ANXA8: variants seen among roughly 807,000 people sequenced by gnomAD.
ANXA8 encodes annexin A8.
A neutral mutation model predicts 26.8 loss-of-function variants in ANXA8; 9 were observed. The ratio of observed to expected loss-of-function variants is 0.34; its 90% CI spans 0.20 to 0.59. The LOEUF (loss-of-function observed/expected upper bound fraction) is 0.59, where lower values mean the gene tolerates loss of function less well. Ranked by LOEUF, ANXA8 falls within the 20% of genes least tolerant of loss-of-function variation. The pLI, the probability that ANXA8 is intolerant of heterozygous loss-of-function variation, is 0.84. For missense variants in ANXA8, 83 were observed against 238.5 expected, an observed-to-expected ratio of 0.35 and a Z score of 4.29; for synonymous variants, 39 against 94.8, an observed-to-expected ratio of 0.41 and a Z score of 3.42.
chr10:47,664,517 G>A, the ANXA8 span, among the ~76,000 whole-genome samples: 20 of 151,508 alleles, frequency 1.3e-4, no homozygotes, highest in Non-Finnish European at 2.8e-4. Flanking sequence ...GCAATGAGCC[G>A]AGATCACGCC....
At chr10:47,743,405 TGAGA>T in the ANXA8 span, among the ~76,000 whole-genome samples, 6 of 83,532 alleles carry the variant, frequency 7.2e-5, no homozygotes, top group South Asian at 3.5e-4. Context: ...TGTGTGTGTG[TGAGA>T]GAGAGAGAGA....
the ANXA8 span, among the ~76,000 whole-genome samples, chr10:47,614,008 T>C: frequency 1.3e-5 from 1 of 74,436 alleles, no homozygotes; most frequent in African/African-American, 3.9e-5. Context: ...ACTTCTCTCA[T>C]GGCCTTTCAG....
the ANXA8 span, chr10:47,565,918 C>G: frequency 1.8e-5 from 26 of 1,461,640 alleles, no homozygotes; most frequent in Non-Finnish European, 2.1e-5. Context: ...AGATGGAGTT[C>G]GAGGAGGGCA....
chr10:47,732,573 T>C, the ANXA8 span, among the ~76,000 whole-genome samples: 2 of 61,566 alleles, frequency 3.2e-5, no homozygotes, highest in African/African-American at 1.6e-4. Context: ...CATCTTCTGT[T>C]AGTTCAGCTT....
the ANXA8 span, among the ~76,000 whole-genome samples, chr10:47,636,532 T>C: frequency 6.9e-6 from 1 of 145,120 alleles, no homozygotes; most frequent in Admixed American, 6.9e-5. Flanking sequence ...TATTGAGGTA[T>C]AAAAAAATTG....
chr10:47,489,260 C>T, the ANXA8 span, among the ~76,000 whole-genome samples: 695 of 142,694 alleles, frequency 4.9e-3, 37 homozygotes, highest in African/African-American at 0.017. Context: ...CCTCATGATC[C>T]GCCCTCCTCA....
chr10:47,650,802 G>A, the ANXA8 span, among the ~76,000 whole-genome samples: 1,500 of 142,980 alleles, frequency 0.01, 2 homozygotes, highest in Middle Eastern at 0.03. Flanking sequence ...GCGAGACTCC[G>A]TCTCAAAAAA....
the ANXA8 span, among the ~76,000 whole-genome samples, chr10:47,621,743 G>A: frequency 5.6e-5 from 6 of 108,016 alleles, no homozygotes; most frequent in East Asian, 1.1e-3. Context: ...CATAATTTCT[G>A]TAACAGAGCT....
the ANXA8 span, among the ~76,000 whole-genome samples, chr10:47,645,428 C>T: frequency 6.8e-6 from 1 of 147,990 alleles, no homozygotes; most frequent in Non-Finnish European, 1.5e-5. Flanking sequence ...TCCTTTTTCT[C>T]ACCTCATAGT....
the ANXA8 span, chr10:47,564,752 C>A: frequency 1.4e-6 from 1 of 735,746 alleles, no homozygotes; most frequent in Non-Finnish European, 2.3e-6. Flanking sequence ...GACCCTCATC[C>A]TGCCTCACCT....
chr10:47,991,599 A>T, the ANXA8 span: 3 of 1,610,008 alleles, frequency 1.9e-6, no homozygotes, highest in Non-Finnish European at 2.5e-6. Flanking sequence ...GCCAAGGGCG[A>T]CTTTACATTT....
At chr10:47,694,531 C>T in the ANXA8 span, among the ~76,000 whole-genome samples, 1 of 150,320 alleles carries the variant, frequency 6.7e-6, no homozygotes, top group Admixed American at 6.7e-5. Flanking sequence ...AGTGATTCTC[C>T]TGCCTCGGCC....
chr10:47,497,319 CAAA>C, the ANXA8 span, among the ~76,000 whole-genome samples: 16 of 94,256 alleles, frequency 1.7e-4, no homozygotes, highest in Admixed American at 3.4e-4. Context: ...AAGTCCATCA[CAAA>C]AAAAAAAAAA....
At chr10:47,651,833 G>T in the ANXA8 span, among the ~76,000 whole-genome samples, 13 of 151,808 alleles carry the variant, frequency 8.6e-5, 1 homozygote, top group Non-Finnish European at 1.6e-4. Context: ...GGTAGAGGTT[G>T]CAGTGAGCCG....
the ANXA8 span, among the ~76,000 whole-genome samples, chr10:47,525,607 A>C: frequency 1.5e-5 from 2 of 137,226 alleles, no homozygotes; most frequent in Admixed American, 7.4e-5. Flanking sequence ...GTAAAGGTAG[A>C]AGTCAAGCTT....
At chr10:47,528,084 T>A in the ANXA8 span, among the ~76,000 whole-genome samples, 2 of 133,986 alleles carry the variant, frequency 1.5e-5, no homozygotes, top group African/African-American at 5.5e-5. Flanking sequence ...AACAGAATGT[T>A]TTTTTTTTTT....
chr10:47,690,906 G>C, the ANXA8 span: 2 of 1,611,320 alleles, frequency 1.2e-6, no homozygotes, highest in Non-Finnish European at 1.7e-6. Context: ...AAGTAGCTAA[G>C]AAAATGAAGT....
chr10:47,587,627 C>T, the ANXA8 span, among the ~76,000 whole-genome samples: 1 of 147,146 alleles, frequency 6.8e-6, no homozygotes, highest in Non-Finnish European at 1.5e-5. Context: ...ACTCTGTGCC[C>T]CCAAGTTCCA....
the ANXA8 span, among the ~76,000 whole-genome samples, chr10:47,547,924 A>C: frequency 0.036 from 5,073 of 141,464 alleles, 746 homozygotes; most frequent in African/African-American, 0.12. Context: ...AACTAAAAAA[A>C]TGTAAATGCA....
Sources: gnomAD v4.1 joint callset for allele counts (sites outside exome capture counted in the v4.1 genomes callset) on GRCh38, gnomAD v4.1.1 for gene constraint, MANE v1.5 for transcripts, NCBI Gene and HGNC (gene_info 2026-07-23, HGNC 2026-07-21) for gene names.